PAPPA2: variants seen among roughly 807,000 people sequenced by gnomAD.
PAPPA2 encodes the protein pappalysin-2.
Under a neutral mutation model 176.4 loss-of-function variants are expected in PAPPA2, and 86 were observed. The observed-to-expected ratio is 0.49, with a 90% CI of 0.41 to 0.58. The LOEUF (loss-of-function observed/expected upper bound fraction) is 0.58, where lower values mean the gene tolerates loss of function less well. PAPPA2 is among the 20% of genes least tolerant of loss of function. The pLI is 0.00. For synonymous variants in PAPPA2, 809 were observed against 852.2 expected, an observed-to-expected ratio of 0.95 and a Z score of 0.88; for missense variants, 2,073 against 2,256.9, an observed-to-expected ratio of 0.92 and a Z score of 1.65.
At chr1:176,613,780 T>C (rs1041952381) in intron 3 of PAPPA2, among the ~76,000 whole-genome samples, 3 of 152,138 alleles carry the variant, frequency 2.0e-5, no homozygotes, top group Non-Finnish European at 4.4e-5. Flanking sequence ...GAAGAGGGTA[T>C]GAAGAAAAAT....
intron 2 of PAPPA2, among the ~76,000 whole-genome samples, chr1:176,559,210 A>G (rs1297246424): frequency 3.3e-5 from 5 of 152,222 alleles, no homozygotes; most frequent in Non-Finnish European, 7.3e-5. Flanking sequence ...AAAATTGGGC[A>G]GAAAATCTTT....
intron 3 of PAPPA2, among the ~76,000 whole-genome samples, chr1:176,615,640 T>C (rs1655164078): frequency 6.6e-6 from 1 of 152,110 alleles, no homozygotes; most frequent in East Asian, 1.9e-4. Flanking sequence ...AGGTTTTTAA[T>C]AAAAGCACAA....
At chr1:176,516,625 A>G (rs963603667) in intron 1 of PAPPA2, among the ~76,000 whole-genome samples, 3 of 152,194 alleles carry the variant, frequency 2.0e-5, no homozygotes, top group Non-Finnish European at 4.4e-5. Context: ...CCCTTCTGCC[A>G]TATGAGGACA....
At chr1:176,664,447 A>G (rs1658517657) in intron 3 of PAPPA2, among the ~76,000 whole-genome samples, 1 of 152,156 alleles carries the variant, frequency 6.6e-6, no homozygotes, top group African/African-American at 2.4e-5. Context: ...CTGATGACAC[A>G]TAGGAAAAGT....
intron 12 of PAPPA2, among the ~76,000 whole-genome samples, chr1:176,726,921 T>C (rs1661904639): frequency 6.6e-6 from 1 of 152,186 alleles, no homozygotes; most frequent in South Asian, 2.1e-4. Flanking sequence ...AGAAATAATA[T>C]ATATGACCAC....
Position 176,480,849 on chromosome 1 carries a change from C to T in PAPPA2, c.-917+17431C>T, listed in dbSNP as rs75780579. ...ACCTGGAATCATAGACCAGACCAGA[C>T]GAAAACACTAAAGCCAGTCACCCGA... On this transcript the variant is annotated intron_variant, in intron 1 of 22. Coordinates refer to ENST00000367662, the MANE Select transcript of PAPPA2 (RefSeq NM_020318.3). Among the ~76,000 whole-genome samples, 496 of 151,812 alleles carry T rather than the reference C, an allele frequency of 3.3e-3. 2 individuals carry two copies. Among genetic ancestry groups the T allele is most frequent in the African/African-American group, 0.011 (450 of 41,372 alleles).
intron 1 of PAPPA2, among the ~76,000 whole-genome samples, chr1:176,542,943 T>C (rs892423291): frequency 6.6e-6 from 1 of 152,230 alleles, no homozygotes; most frequent in African/African-American, 2.4e-5. Context: ...TCTTGTAGGC[T>C]CTACAAAAGT....
chr1:176,809,812 G>A (rs1440981030), intron 21 of PAPPA2, among the ~76,000 whole-genome samples: 3 of 152,164 alleles, frequency 2.0e-5, no homozygotes, highest in Non-Finnish European at 2.9e-5. Flanking sequence ...CAGAGGAGGG[G>A]ATGGGGAAGG....
intron 3 of PAPPA2, among the ~76,000 whole-genome samples, chr1:176,667,001 T>C (rs1658698828): frequency 6.6e-6 from 1 of 152,126 alleles, no homozygotes; most frequent in Non-Finnish European, 1.5e-5. Flanking sequence ...ATCCCAGCAC[T>C]TTGGGAGGCC....
rs370641606 is a variant in PAPPA2, at chr1:176,617,953, G to GA, written c.1991+22362dup. 1.3e-3 allele frequency among the ~76,000 whole-genome samples: 197 copies of GA among 152,260 alleles called. 1 individual carries two copies. Among genetic ancestry groups the GA allele is most frequent in the African/African-American group, 4.3e-3 (179 of 41,540 alleles). On this transcript the variant is annotated intron_variant, in intron 3 of 22. Coordinates refer to ENST00000367662, the MANE Select transcript of PAPPA2 (RefSeq NM_020318.3). ...TCTTATTGGTTGAAATGACTTGTCTGAAAATCTAAGCTGACTGAAACTGTG... is the reference window on the plus strand; with the variant it reads ...TCTTATTGGTTGAAATGACTTGTCTGAAAAATCTAAGCTGACTGAAACTGTG...
At chr1:176,701,051 TAC>T (rs374838543) in intron 8 of PAPPA2, among the ~76,000 whole-genome samples, 30,034 of 147,854 alleles carry the variant, frequency 0.2, 3,172 homozygotes, top group African/African-American at 0.29. Flanking sequence ...CACACACACA[TAC>T]ACACACACAC....
intron 1 of PAPPA2, among the ~76,000 whole-genome samples, chr1:176,481,295 C>G (rs1429420692): frequency 7.2e-6 from 1 of 138,538 alleles, no homozygotes; most frequent in Non-Finnish European, 1.6e-5. Flanking sequence ...CACACACACA[C>G]ACACAGACAA....
intron 2 of PAPPA2, among the ~76,000 whole-genome samples, chr1:176,593,435 T>C (rs1367866806): frequency 6.6e-6 from 1 of 152,238 alleles, no homozygotes; most frequent in Non-Finnish European, 1.5e-5. Context: ...GCAATATTTA[T>C]TAAGCATTTC....
chr1:176,690,046 G>A, intron 4 of PAPPA2, 91 bp from the exon 5 acceptor site: 1 of 1,202,222 alleles, frequency 8.3e-7, no homozygotes, highest in Non-Finnish European at 1.2e-6. Flanking sequence ...AGGCTGAAAT[G>A]GAATATTTGA....
chr1:176,806,299 T>A (rs1571354433), intron 21 of PAPPA2, among the ~76,000 whole-genome samples: 1 of 152,210 alleles, frequency 6.6e-6, no homozygotes, highest in Non-Finnish European at 1.5e-5. Context: ...TGGCAGGAAG[T>A]GTGTTTTGTT....
chr1:176,690,734 C>T, intron 5 of PAPPA2: 1 of 1,176,170 alleles, frequency 8.5e-7, no homozygotes, highest in Non-Finnish European at 1.1e-6. Context: ...CCCTTGACTT[C>T]TAGAATGTGG....
intron 3 of PAPPA2, among the ~76,000 whole-genome samples, chr1:176,634,799 G>GAGAGAGAT (rs1396094505): frequency 0.021 from 2,575 of 120,062 alleles, 85 homozygotes; most frequent in African/African-American, 0.078. Flanking sequence ...TCCAAGGAGA[G>GAGAGAGAT]AGATAGATAG....
At chr1:176,749,721 C>T (rs557682407) in intron 14 of PAPPA2, among the ~76,000 whole-genome samples, 1 of 152,316 alleles carries the variant, frequency 6.6e-6, no homozygotes, top group South Asian at 2.1e-4. Context: ...GTTGGAATTA[C>T]ACAGTGTGTA....
chr1:176,805,514 T>G (rs1007487063), intron 21 of PAPPA2, among the ~76,000 whole-genome samples: 1 of 152,210 alleles, frequency 6.6e-6, no homozygotes, highest in African/African-American at 2.4e-5. Context: ...CTACCCTTCG[T>G]TAGCTATGCG....
Sources: allele counts gnomAD v4.1 joint callset (sites outside exome capture counted in the v4.1 genomes callset), GRCh38; gene constraint gnomAD v4.1.1; transcripts MANE v1.5; gene names NCBI Gene and HGNC (gene_info 2026-07-23, HGNC 2026-07-21).